The following TRIM24 variants were observed in gnomAD, a reference collection of about 807,000 sequenced individuals.
TRIM24 encodes tripartite motif containing 24.
TRIM24 carries 29 observed loss-of-function variants against 123.9 expected under a neutral mutation model. That is an observed-to-expected ratio of 0.23 (90% CI 0.17 to 0.32). TRIM24 has a LOEUF of 0.32. Among genes scored for constraint, TRIM24 ranks in the 10% least tolerant of loss-of-function variants. The probability of loss-of-function intolerance (pLI) is 1.00; values close to 1 mark genes in which losing one functional copy is unlikely to be tolerated. For missense variants in TRIM24, 932 were observed against 1,295.3 expected (o/e 0.72, Z 4.31); for synonymous variants, 456 against 461.1 (o/e 0.99, Z 0.14).
chr7:138,579,160 AATT>A (rs1797839403), intron 14 of TRIM24, 41 bp from the exon 15 acceptor site: 23 of 1,502,488 alleles, frequency 1.5e-5, no homozygotes, highest in Non-Finnish European at 2.0e-5. Flanking sequence ...TTAGTGATAA[AATT>A]TTTTTTAAAG....
intron 15 of TRIM24, among the ~76,000 whole-genome samples, chr7:138,580,165 T>C (rs972164736): frequency 6.6e-6 from 1 of 152,218 alleles, no homozygotes; most frequent in African/African-American, 2.4e-5. Context: ...TGGAAGGCCA[T>C]ACTTTTGAAA....
chr7:138,576,660 G>T (rs1251315933), intron 13 of TRIM24, among the ~76,000 whole-genome samples: 1 of 152,064 alleles, frequency 6.6e-6, no homozygotes, highest in Non-Finnish European at 1.5e-5. Context: ...TTGTCAATAT[G>T]TTGAAAATAA....
chr7:138,481,117 C>T (rs555926386), intron 1 of TRIM24, among the ~76,000 whole-genome samples: 26 of 152,210 alleles, frequency 1.7e-4, no homozygotes, highest in Non-Finnish European at 2.9e-4. Context: ...CTCAGCCTCC[C>T]GAGTAGTAGG....
Position 138,463,043 on chromosome 7 carries a change from G to GTTTTTTT in TRIM24, c.364+2151_364+2157dup, listed in dbSNP as rs57719141. ...CGCCACCACGTCCGGCTAATTTTGT[G>GTTTTTTT]TTTTTTTTTTTTTTTTTTTTTTTTT... On this transcript the variant is annotated intron_variant, in intron 1 of 18. Coordinates refer to ENST00000343526, the MANE Select transcript of TRIM24 (RefSeq NM_015905.3). Among the ~76,000 whole-genome samples, 23 of 60,132 alleles carry GTTTTTTT rather than the reference G, an allele frequency of 3.8e-4. 2 individuals carry two copies. Among genetic ancestry groups the GTTTTTTT allele is most frequent in the African/African-American group, 8.8e-4 (12 of 13,676 alleles). 39.4% of individuals were successfully genotyped at this position (60,132 alleles called of 152,430 possible).
intron 6 of TRIM24, among the ~76,000 whole-genome samples, chr7:138,537,696 A>G (rs1796920935): frequency 6.6e-6 from 1 of 152,180 alleles, no homozygotes; most frequent in African/African-American, 2.4e-5. Context: ...TAAATTAGAT[A>G]TGGCAGAGCC....
intron 5 of TRIM24, among the ~76,000 whole-genome samples, chr7:138,526,824 A>T (rs534861638): frequency 6.6e-6 from 1 of 152,322 alleles, no homozygotes; most frequent in South Asian, 2.1e-4. Flanking sequence ...TGGTGGGTTT[A>T]AACTTTTTTT....
At chr7:138,571,118 T>G (rs1447090780) in intron 11 of TRIM24, 115 bp downstream of exon 11, 3 of 1,080,756 alleles carry the variant, frequency 2.8e-6, no homozygotes, top group African/African-American at 1.6e-5. Context: ...TTACTTGAGG[T>G]CAGGAGTTCG....
rs1298179520 is a variant in TRIM24 at position 138,544,630 on chromosome 7, A to G, written c.1143+5827A>G. 3.9e-5 allele frequency among the ~76,000 whole-genome samples: 6 copies of G among 152,172 alleles called. No homozygotes were observed. In the East Asian group the frequency reaches 5.8e-4, roughly 15 times the overall value. ...GTTGCACCAATCTGCATTCCCACCT[A>G]AAGTGTACAAAGGGTTCCTTTTATC... On this transcript the variant is annotated intron_variant, in intron 7 of 18. Coordinates refer to ENST00000343526, the MANE Select transcript of TRIM24 (RefSeq NM_015905.3).
At chr7:138,482,588 T>C (rs1795554033) in intron 1 of TRIM24, among the ~76,000 whole-genome samples, 1 of 152,232 alleles carries the variant, frequency 6.6e-6, no homozygotes, top group South Asian at 2.1e-4. Context: ...AAGGATCTTA[T>C]GCTTTCTTTA....
intron 7 of TRIM24, among the ~76,000 whole-genome samples, chr7:138,539,801 CTTTT>C (rs528996607): frequency 1.5e-5 from 2 of 129,602 alleles, no homozygotes. Flanking sequence ...ATTAAGTAAT[CTTTT>C]TTTTTTTTTT....
At position 138,501,626 on chromosome 7, in the gene TRIM24, G is replaced by A. The variant is rs1013049202; in HGVS notation, c.365-2664G>A. Among the ~76,000 whole-genome samples, 16 of 152,018 alleles carry A rather than the reference G, an allele frequency of 1.1e-4. No individual in the cohort carries two copies. The South Asian group carries it at 1.7e-3, about 16-fold the overall frequency. On this transcript the variant is annotated intron_variant, in intron 1 of 18. Coordinates refer to ENST00000343526, the MANE Select transcript of TRIM24 (RefSeq NM_015905.3). ...GCAGTGGCCAGGCGTGGTGGGTCAC[G>A]CCTGTAATCCCAGCACTTTGGGAGG...
chr7:138,463,043 G>GTTTTTTTTTTTTTTTTTTTTTTTTTT (rs57719141), intron 1 of TRIM24, among the ~76,000 whole-genome samples: 1 of 60,132 alleles, frequency 1.7e-5, no homozygotes. Flanking sequence ...CTAATTTTGT[G>GTTTTTTTTTTTTTTTTTTTTTTTTTT]TTTTTTTTTT....
intron 10 of TRIM24, among the ~76,000 whole-genome samples, chr7:138,570,599 C>T (rs1251904268): frequency 6.7e-6 from 1 of 149,744 alleles, no homozygotes; most frequent in Non-Finnish European, 1.5e-5. Flanking sequence ...CTGGTATATA[C>T]TAACTGTTGT....
At chr7:138,484,003 G>A (rs1795590548) in intron 1 of TRIM24, among the ~76,000 whole-genome samples, 1 of 152,030 alleles carries the variant, frequency 6.6e-6, no homozygotes, top group Admixed American at 6.5e-5. Flanking sequence ...CAGAATCAAG[G>A]CAGTACATAA....
chr7:138,513,117 G>A (rs111723627), intron 2 of TRIM24, among the ~76,000 whole-genome samples: 38 of 152,218 alleles, frequency 2.5e-4, no homozygotes, highest in African/African-American at 7.7e-4. Flanking sequence ...AAAGGTGACC[G>A]TTGCTCCATT....
intron 6 of TRIM24, among the ~76,000 whole-genome samples, chr7:138,537,820 G>A (rs746323466): frequency 1.5e-4 from 23 of 152,124 alleles, no homozygotes; most frequent in Admixed American, 2.0e-4. Context: ...ATCTGGGTTC[G>A]CTTTTTATTG....
chr7:138,539,801 C>CTTTT (rs528996607), intron 7 of TRIM24, among the ~76,000 whole-genome samples: 1 of 129,626 alleles, frequency 7.7e-6, no homozygotes, highest in African/African-American at 2.9e-5. Context: ...ATTAAGTAAT[C>CTTTT]TTTTTTTTTT....
chr7:138,465,144 CTGGCCACCAAGCTCCCA>C (rs1795108032), intron 1 of TRIM24, among the ~76,000 whole-genome samples: 1 of 152,202 alleles, frequency 6.6e-6, no homozygotes, highest in Non-Finnish European at 1.5e-5. Flanking sequence ...TACAATTACA[CTGGCCACCAAGCTCCCA>C]TTGAGAACAT....
chr7:138,483,042 C>G (rs140768466), intron 1 of TRIM24, among the ~76,000 whole-genome samples: 1 of 152,104 alleles, frequency 6.6e-6, no homozygotes, highest in African/African-American at 2.4e-5. Context: ...CTCATCCTCT[C>G]GAGTAGCTGG....
Sources: gnomAD v4.1 joint callset for allele counts (sites outside exome capture counted in the v4.1 genomes callset) on GRCh38, gnomAD v4.1.1 for gene constraint, MANE v1.5 for transcripts, NCBI Gene and HGNC (gene_info 2026-07-23, HGNC 2026-07-21) for gene names.